TRIM33: variants seen among roughly 807,000 people sequenced by gnomAD.
The protein encoded by TRIM33 is E3 ubiquitin-protein ligase TRIM33.
Under a neutral mutation model 125.4 loss-of-function variants are expected in TRIM33, and 20 were observed. The observed-to-expected ratio is 0.16, with a 90% CI of 0.11 to 0.23. The LOEUF (loss-of-function observed/expected upper bound fraction) is 0.23. Among genes scored for constraint, TRIM33 ranks in the 10% least tolerant of loss-of-function variants. The probability of loss-of-function intolerance (pLI) is 1.00; values close to 1 mark genes in which losing one functional copy is unlikely to be tolerated. For missense variants in TRIM33, 920 were observed against 1,411.4 expected, an observed-to-expected ratio of 0.65 and a Z score of 5.58; for synonymous variants, 564 against 513.9, an observed-to-expected ratio of 1.10 and a Z score of -1.32.
At chr1:114,437,638 A>C (rs1648390628) in intron 4 of TRIM33, among the ~76,000 whole-genome samples, 1 of 152,074 alleles carries the variant, frequency 6.6e-6, no homozygotes, top group African/African-American at 2.4e-5. Flanking sequence ...CACCCAGTCT[A>C]AAGTAGTAAT....
At chr1:114,411,731 A>C (rs955319606) in intron 11 of TRIM33, among the ~76,000 whole-genome samples, 1 of 152,224 alleles carries the variant, frequency 6.6e-6, no homozygotes, top group Admixed American at 6.5e-5. Flanking sequence ...AACAGGAAAT[A>C]CATTAAAGGA....
chr1:114,458,499 C>T lies in TRIM33; in HGVS notation c.923+4605G>A, dbSNP rs146136894. On this transcript the variant is annotated intron_variant, in intron 4 of 19. Coordinates refer to ENST00000358465, the MANE Select transcript of TRIM33 (RefSeq NM_015906.4). ...ACTCAGGAAGTGACTCAGCATAACT[C>T]ACTGCACAAAGACAGTTTTGACACC... 4.3e-3 allele frequency among the ~76,000 whole-genome samples: 654 copies of T among 152,290 alleles called. 2 individuals carry two copies. Among genetic ancestry groups the T allele is most frequent in the African/African-American group, 0.015 (603 of 41,554 alleles).
At chr1:114,426,470 T>C (rs1168428101) in intron 8 of TRIM33, among the ~76,000 whole-genome samples, 5 of 152,068 alleles carry the variant, frequency 3.3e-5, no homozygotes, top group African/African-American at 9.7e-5. Flanking sequence ...TATAGCTAAA[T>C]TTGAATATAA....
At position 114,487,534 on chromosome 1, in the gene TRIM33, G is replaced by A. The variant is rs190870901; in HGVS notation, c.526+23017C>T. On this transcript the variant is annotated intron_variant, in intron 1 of 19. Coordinates refer to ENST00000358465, the MANE Select transcript of TRIM33 (RefSeq NM_015906.4). ...CATGTATGGTTAAAGAAAACTTGCCGTAACAGAAAAAAAAAATGTTAACAG... is the reference window on the plus strand; with the variant it reads ...CATGTATGGTTAAAGAAAACTTGCCATAACAGAAAAAAAAAATGTTAACAG... 9.6e-4 allele frequency among the ~76,000 whole-genome samples: 146 copies of A among 151,812 alleles called. 1 individual carries two copies. Among genetic ancestry groups the A allele is most frequent in the Admixed American group, 1.7e-3 (26 of 15,268 alleles).
chr1:114,483,348 A>G (rs947873119), intron 1 of TRIM33, among the ~76,000 whole-genome samples: 6 of 152,042 alleles, frequency 3.9e-5, no homozygotes, highest in Admixed American at 6.6e-5. Flanking sequence ...GAAGACATAG[A>G]AAAACTCAAT....
intron 11 of TRIM33, among the ~76,000 whole-genome samples, chr1:114,416,292 AG>A (rs1262888128): frequency 1.3e-5 from 2 of 152,204 alleles, no homozygotes; most frequent in African/African-American, 4.8e-5. Flanking sequence ...CTGATTAATG[AG>A]ATACATGTAC....
intron 11 of TRIM33, among the ~76,000 whole-genome samples, chr1:114,420,815 T>C (rs1445779628): frequency 6.6e-6 from 1 of 152,196 alleles, no homozygotes; most frequent in Non-Finnish European, 1.5e-5. Context: ...AATTCTGAAA[T>C]ATATAATACA....
intron 11 of TRIM33, among the ~76,000 whole-genome samples, chr1:114,415,683 G>C (rs979774966): frequency 1.3e-5 from 2 of 152,122 alleles, no homozygotes; most frequent in African/African-American, 4.8e-5. Context: ...AGGTGCAGTG[G>C]CTCACGCCTG....
chr1:114,507,256 G>T (rs537154148), intron 1 of TRIM33, among the ~76,000 whole-genome samples: 1 of 152,206 alleles, frequency 6.6e-6, no homozygotes, highest in Non-Finnish European at 1.5e-5. Context: ...CTTGTTAAAC[G>T]AGACTACTGG....
chr1:114,484,283 T>A (rs1449270975), intron 1 of TRIM33, among the ~76,000 whole-genome samples: 1 of 152,226 alleles, frequency 6.6e-6, no homozygotes, highest in Non-Finnish European at 1.5e-5. Context: ...TTTGAAACTC[T>A]AACCATGCCC....
At chr1:114,468,118 C>A (rs928832471) in intron 1 of TRIM33, among the ~76,000 whole-genome samples, 2 of 152,194 alleles carry the variant, frequency 1.3e-5, no homozygotes, top group Non-Finnish European at 1.5e-5. Flanking sequence ...AGAAGTATAA[C>A]CATGCCTAAG....
chr1:114,427,298 A>G lies in TRIM33; in HGVS notation c.1303-4T>C, dbSNP rs1462881662. 2 of 1,457,420 alleles carry G rather than the reference A, an allele frequency of 1.4e-6. No homozygotes were observed. Among genetic ancestry groups the G allele is most frequent in the Middle Eastern group, 1.8e-4 (1 of 5,650 alleles). 90.3% of individuals were successfully genotyped at this position (1,457,420 alleles called of 1,614,324 possible). A position where few individuals can be genotyped will look rare whatever the true frequency, so the allele number is the denominator to read the frequency against. On this transcript the variant is annotated splice_region_variant and splice_polypyrimidine_tract_variant and intron_variant, in intron 7 of 19. Transcript: ENST00000358465. ...TATGACGCAACTGGAAAGTAATCTT[A>G]AAGGGAAAAAAATCCACATTAGTCT... is the stretch of plus-strand genomic sequence containing the variant.
intron 4 of TRIM33, among the ~76,000 whole-genome samples, chr1:114,449,011 C>G (rs1425864905): frequency 6.6e-6 from 1 of 151,862 alleles, no homozygotes; most frequent in Non-Finnish European, 1.5e-5. Flanking sequence ...TAGTAGCATT[C>G]TACAGTTTAC....
rs1651556499 is a variant in TRIM33 at position 114,396,632 on chromosome 1, A to C, written c.*1016T>G. The C allele has an allele frequency of 5.0e-6, 1 of 201,140 alleles. No individual in the cohort carries two copies. The highest frequency in any genetic ancestry group is 1.9e-4 in the South Asian group (1 of 5,248). 12.5% of individuals were successfully genotyped at this position (201,140 alleles called of 1,614,324 possible). On this transcript the variant is annotated 3_prime_UTR_variant, in exon 20 of 20. Transcript: ENST00000358465. ...CATTAGCTTAAAAAACAGGCTCAGC[A>C]AATGTTGCTGATCTGCCAAAAGTTT...
At chr1:114,435,767 C>A (rs1648237989) in intron 4 of TRIM33, among the ~76,000 whole-genome samples, 1 of 151,752 alleles carries the variant, frequency 6.6e-6, no homozygotes, top group Admixed American at 6.6e-5. Context: ...CACTCTATCA[C>A]CCAAGCTGGA....
chr1:114,505,017 A>G (rs1242056309), intron 1 of TRIM33, among the ~76,000 whole-genome samples: 3 of 152,192 alleles, frequency 2.0e-5, no homozygotes. Flanking sequence ...TTCCCATGTA[A>G]GCTCCCAATA....
intron 1 of TRIM33, among the ~76,000 whole-genome samples, chr1:114,510,006 A>G (rs888365487): frequency 6.6e-6 from 1 of 151,754 alleles, no homozygotes; most frequent in Non-Finnish European, 1.5e-5. Flanking sequence ...TCCCCATGTC[A>G]TCTTACAATT....
intron 11 of TRIM33, among the ~76,000 whole-genome samples, chr1:114,413,607 A>C: frequency 6.8e-6 from 1 of 147,106 alleles, no homozygotes; most frequent in African/African-American, 2.6e-5. Flanking sequence ...TCTGAAAAGA[A>C]AAAGTCCAAA....
chr1:114,401,193 T>A (rs531809579), intron 17 of TRIM33, among the ~76,000 whole-genome samples, 196 bp downstream of exon 17: 52 of 152,194 alleles, frequency 3.4e-4, no homozygotes, highest in African/African-American at 1.1e-3. Context: ...CCCGCCACCG[T>A]GCCCGGCTAG....
Sources: allele counts gnomAD v4.1 joint callset (sites outside exome capture counted in the v4.1 genomes callset), GRCh38; gene constraint gnomAD v4.1.1; transcripts MANE v1.5; gene names NCBI Gene and HGNC (gene_info 2026-07-23, HGNC 2026-07-21).